Variants in PSMA1 observed in about 807,000 individuals in gnomAD.
PSMA1 encodes proteasome 20S subunit alpha 1.
Under a neutral mutation model 38.4 loss-of-function variants are expected in PSMA1, and 3 were observed. The ratio of observed to expected loss-of-function variants is 0.08; its 90% CI spans 0.04 to 0.20. PSMA1 has a LOEUF of 0.20. Among genes scored for constraint, PSMA1 ranks in the 10% least tolerant of loss-of-function variants. The probability of loss-of-function intolerance (pLI) is 1.00; values close to 1 mark genes in which losing one functional copy is unlikely to be tolerated. For missense variants in PSMA1, 227 were observed against 325.3 expected (o/e 0.70, Z 2.32); for synonymous variants, 101 against 107.1 (o/e 0.94, Z 0.35).
At chr11:14,634,147 G>T (rs1206816137) in intron 1 of PSMA1, among the ~76,000 whole-genome samples, 2 of 152,144 alleles carry the variant, frequency 1.3e-5, no homozygotes, top group African/African-American at 4.8e-5. Context: ...TTCCTATTCG[G>T]CCATCTTGGC....
In PSMA1 at chr11:14,553,683, A is replaced by G. The variant is rs543249794; in HGVS notation, c.22-34642T>C. ...TCTTTTTATTACTGAGTAGTATTCCATGATATAGATGCACCACAGTTTGTT... is the reference window on the plus strand; with the variant it reads ...TCTTTTTATTACTGAGTAGTATTCCGTGATATAGATGCACCACAGTTTGTT... On this transcript the variant is annotated intron_variant, in intron 2 of 10. Coordinates refer to the PSMA1 transcript ENST00000418988. Among the ~76,000 whole-genome samples the G allele has an allele frequency of 2.0e-5, 3 of 152,164 alleles. No homozygotes were observed. The East Asian group carries it at 5.8e-4, about 29-fold the overall frequency.
rs116767725 is a variant in PSMA1, at chr11:14,568,843, C to T, written c.21+42123G>A. On this transcript the variant is annotated intron_variant, in intron 2 of 10. Transcript: ENST00000418988. ...TTTGCTTCTGCAAGATTCACTGTAG[C>T]GGGGACATCTTTCTTGTTCATCTCT... Among the ~76,000 whole-genome samples the T allele has an allele frequency of 2.6e-3, 398 of 152,262 alleles. 1 individual carries two copies. Among genetic ancestry groups the T allele is most frequent in the African/African-American group, 8.1e-3 (338 of 41,556 alleles).
chr11:14,617,432 T>C (rs1008128913), intron 1 of PSMA1, among the ~76,000 whole-genome samples: 2 of 152,292 alleles, frequency 1.3e-5, no homozygotes, highest in Non-Finnish European at 2.9e-5. Context: ...ACAGCAGAAA[T>C]CTTTTTCTAT....
At chr11:14,533,200 T>C (rs1182195777) in intron 2 of PSMA1, among the ~76,000 whole-genome samples, 1 of 152,222 alleles carries the variant, frequency 6.6e-6, no homozygotes, top group African/African-American at 2.4e-5. Context: ...CTACCTTAGT[T>C]ATCATTGAGC....
chr11:14,641,919 G>T (rs968404648), intron 1 of PSMA1, among the ~76,000 whole-genome samples: 1 of 152,198 alleles, frequency 6.6e-6, no homozygotes, highest in Non-Finnish European at 1.5e-5. Context: ...TAAATTAATT[G>T]CTTCATTTCA....
intron 2 of PSMA1, among the ~76,000 whole-genome samples, chr11:14,597,879 G>T (rs1204472852): frequency 5.3e-5 from 8 of 152,046 alleles, no homozygotes; most frequent in Admixed American, 5.2e-4. Flanking sequence ...GTCTCTTGTG[G>T]GCATTTAGTG....
intron 2 of PSMA1, among the ~76,000 whole-genome samples, chr11:14,603,479 G>T (rs745589638): frequency 3.3e-5 from 5 of 152,202 alleles, no homozygotes; most frequent in African/African-American, 1.2e-4. Flanking sequence ...AATGAGGAGA[G>T]ATGGAAAAGT....
At chr11:14,600,543 G>A (rs1044786911) in intron 2 of PSMA1, among the ~76,000 whole-genome samples, 6 of 152,186 alleles carry the variant, frequency 3.9e-5, no homozygotes, top group South Asian at 2.1e-4. Flanking sequence ...TGTGGGAGCC[G>A]CCGAGCCAGG....
chr11:14,641,184 TA>T lies in PSMA1; in HGVS notation c.-166+2270del, dbSNP rs879934532. 1.7e-3 allele frequency among the ~76,000 whole-genome samples: 245 copies of T among 140,862 alleles called. 1 individual carries two copies. The highest frequency in any genetic ancestry group is 3.5e-3 in the Middle Eastern group (1 of 284). The allele number at this position is 140,862 out of a possible 152,430, so 92.4% of individuals were successfully genotyped here. ...CCAGAACTTAAAGTATAATAATAAT[TA>T]AAAAAAAAAAAGACGTGAGGGAAGG... On this transcript the variant is annotated intron_variant, in intron 1 of 10. Transcript: ENST00000418988.
At chr11:14,638,575 ATATATATATATTTTTTTTTTTTTTTTT>A (rs1853154334) in intron 1 of PSMA1, among the ~76,000 whole-genome samples, 2 of 10,800 alleles carry the variant, frequency 1.9e-4, no homozygotes, top group Non-Finnish European at 3.3e-4. Context: ...ATATATATAT[ATATATATATATTTTTTTTTTTTTTTTT>A]TTTTTTTTTT....
upstream of PSMA1, among the ~76,000 whole-genome samples, chr11:14,522,193 G>A (rs895312034): frequency 6.6e-6 from 1 of 152,058 alleles, no homozygotes; most frequent in African/African-American, 2.4e-5. Flanking sequence ...GCTATCATAT[G>A]TCCATAAGTA....
At chr11:14,568,786 G>C (rs1442168971) in intron 2 of PSMA1, among the ~76,000 whole-genome samples, 1 of 152,166 alleles carries the variant, frequency 6.6e-6, no homozygotes, top group Admixed American at 6.5e-5. Flanking sequence ...ACTCTGCTTT[G>C]GAAAGGCTTT....
chr11:14,607,988 T>G (rs550720802), intron 2 of PSMA1, among the ~76,000 whole-genome samples: 18 of 152,274 alleles, frequency 1.2e-4, no homozygotes, highest in African/African-American at 4.1e-4. Context: ...TTCATGGATG[T>G]AACATGTATA....
At chr11:14,554,583 G>GT (rs1851922290) in intron 2 of PSMA1, among the ~76,000 whole-genome samples, 1 of 152,024 alleles carries the variant, frequency 6.6e-6, no homozygotes, top group Non-Finnish European at 1.5e-5. Context: ...TTTCTCCATT[G>GT]AATTTTTTTT....
chr11:14,611,059 T>C, exon 2 of PSMA1: 1 of 1,530,204 alleles, frequency 6.5e-7, no homozygotes, highest in Non-Finnish European at 9.0e-7. Flanking sequence ...TCATTGTCTT[T>C]TCCCAGCCTT....
At chr11:14,535,580 A>G (rs535196801) in intron 2 of PSMA1, among the ~76,000 whole-genome samples, 1 of 151,680 alleles carries the variant, frequency 6.6e-6, no homozygotes, top group African/African-American at 2.4e-5. Context: ...AGTAGCTGGG[A>G]TTACAAGCAT....
intron 1 of PSMA1, among the ~76,000 whole-genome samples, chr11:14,613,803 CTAAA>C (rs1364159058): frequency 1.3e-5 from 2 of 152,148 alleles, no homozygotes; most frequent in Non-Finnish European, 2.9e-5. Flanking sequence ...AGGCAGTTGT[CTAAA>C]TAATTCTGGC....
At chr11:14,606,439 A>G (rs1012568789) in intron 2 of PSMA1, among the ~76,000 whole-genome samples, 1 of 152,160 alleles carries the variant, frequency 6.6e-6, no homozygotes, top group Non-Finnish European at 1.5e-5. Flanking sequence ...AAAAAGAAAA[A>G]AAAAAAAAGA....
At chr11:14,552,261 GTC>G (rs1851894266) in intron 2 of PSMA1, among the ~76,000 whole-genome samples, 1 of 152,316 alleles carries the variant, frequency 6.6e-6, no homozygotes, top group East Asian at 1.9e-4. Flanking sequence ...AAAAGCCACA[GTC>G]TCTACTCCTG....
Sources: gnomAD v4.1 joint callset for allele counts (sites outside exome capture counted in the v4.1 genomes callset) on GRCh38, gnomAD v4.1.1 for gene constraint, MANE v1.5 for transcripts, NCBI Gene and HGNC (gene_info 2026-07-23, HGNC 2026-07-21) for gene names.